The following SUSD4 variants were observed in gnomAD, a reference collection of about 807,000 sequenced individuals.
SUSD4 encodes sushi domain-containing protein 4.
In SUSD4, 41 loss-of-function variants were observed where a neutral mutation model predicts 50.5. That is an observed-to-expected ratio of 0.81 (90% CI 0.63 to 1.05). The LOEUF is 1.05. Among genes scored for constraint, SUSD4 ranks in the 50% least tolerant of loss-of-function variants. SUSD4 has a pLI of 0.00. For synonymous variants in SUSD4, 257 were observed against 257.3 expected (o/e 1.00, Z 0.01); for missense variants, 580 against 634.7 (o/e 0.91, Z 0.93).
At chr1:223,343,138 C>T (rs934732681) in intron 2 of SUSD4, among the ~76,000 whole-genome samples, 8 of 152,168 alleles carry the variant, frequency 5.3e-5, no homozygotes, top group Non-Finnish European at 1.2e-4. Flanking sequence ...TTCTATGCTA[C>T]CTCCCAACAG....
At chr1:223,272,275 T>C (rs998293877) in intron 3 of SUSD4, among the ~76,000 whole-genome samples, 1 of 152,184 alleles carries the variant, frequency 6.6e-6, no homozygotes, top group Admixed American at 6.5e-5. Context: ...GAGGCATAAA[T>C]AGGCCATTCA....
rs1571830198 is a variant in SUSD4 at position 223,227,672 on chromosome 1, G to A, written c.983C>T (p.Thr328Ile). ...GAGCAGCAGCACCAGCAGCACACTGGTTGCCGTGAACGCCACAATCTTCCA... is the reference window on the plus strand; with the variant it reads ...GAGCAGCAGCACCAGCAGCACACTGATTGCCGTGAACGCCACAATCTTCCA... ...TTWKIVAFTA[T>I]SVLLVLLLVI... Residue 328 changes from threonine to isoleucine, a missense_variant, in exon 7 of 9, where the codon ACC (threonine) becomes ATC (isoleucine). Physicochemically the swap from Thr to Ile is moderately conservative, Grantham distance 89. Coordinates refer to ENST00000366878, the MANE Select transcript of SUSD4 (RefSeq NM_017982.4). The surrounding 1 kb of genome is among the most constrained non-coding windows in gnomAD (Gnocchi z 4.5). 1.2e-6 allele frequency: 2 copies of A among 1,613,836 alleles called. No individual in the cohort carries two copies. The highest frequency in any genetic ancestry group is 3.3e-5 in the Admixed American group (2 of 59,988).
chr1:223,233,722 C>T (rs1178037972), intron 5 of SUSD4, among the ~76,000 whole-genome samples: 1 of 152,172 alleles, frequency 6.6e-6, no homozygotes, highest in East Asian at 1.9e-4. Context: ...TATCTTAGAA[C>T]TCCTTTAGGC....
chr1:223,245,844 AAAG>A (rs1379181743), intron 5 of SUSD4, among the ~76,000 whole-genome samples: 4 of 152,198 alleles, frequency 2.6e-5, no homozygotes, highest in Admixed American at 2.0e-4. Flanking sequence ...GCTAGGAGAA[AAAG>A]AAGGATAACT....
intron 5 of SUSD4, among the ~76,000 whole-genome samples, chr1:223,252,070 G>A (rs1571887417): frequency 9.0e-6 from 1 of 111,474 alleles, no homozygotes; most frequent in South Asian, 3.7e-4. Flanking sequence ...GGCCTGTTGT[G>A]GGGTGGGGGG....
At chr1:223,228,645 A>G (rs1659685842) in intron 6 of SUSD4, among the ~76,000 whole-genome samples, 1 of 152,128 alleles carries the variant, frequency 6.6e-6, no homozygotes. Context: ...CAAATGGCCT[A>G]TAGTTTTACA....
chr1:223,226,845 T>A (rs1296307358), intron 7 of SUSD4, among the ~76,000 whole-genome samples: 1 of 152,218 alleles, frequency 6.6e-6, no homozygotes, highest in Non-Finnish European at 1.5e-5. Context: ...TCACCTCTTC[T>A]TCTCAATGTT....
At chr1:223,297,494 C>G (rs1201247003) in intron 2 of SUSD4, among the ~76,000 whole-genome samples, 1 of 152,074 alleles carries the variant, frequency 6.6e-6, no homozygotes, top group Non-Finnish European at 1.5e-5. Context: ...GGAAGGTGAC[C>G]CAGGCCCTGA....
chr1:223,294,668 C>T (rs1012665056), intron 2 of SUSD4, among the ~76,000 whole-genome samples: 4 of 152,200 alleles, frequency 2.6e-5, no homozygotes, highest in African/African-American at 9.7e-5. Context: ...GGCACAGCAT[C>T]CACATCTGAC....
intron 2 of SUSD4, among the ~76,000 whole-genome samples, chr1:223,334,440 G>A (rs898943865): frequency 3.9e-5 from 6 of 152,054 alleles, no homozygotes; most frequent in African/African-American, 7.2e-5. Flanking sequence ...GGAAATCATC[G>A]AAGAATATTT....
Position 223,265,237 on chromosome 1 carries a change from C to T in SUSD4, c.536-419G>A, listed in dbSNP as rs556350749. ...AGGTGCTGTAAGAGGAAAGAGACAC[C>T]GCCAGTGGTTTCAGTGGTGGTGAGA... On this transcript the variant is annotated intron_variant, in intron 4 of 8. Coordinates refer to ENST00000366878, the MANE Select transcript of SUSD4 (RefSeq NM_017982.4). 1.4e-4 allele frequency among the ~76,000 whole-genome samples: 21 copies of T among 152,294 alleles called. No homozygotes were observed. In the South Asian group the frequency reaches 2.1e-3, roughly 15 times the overall value.
At chr1:223,222,474 A>G (rs1659193519) in intron 8 of SUSD4, among the ~76,000 whole-genome samples, 2 of 152,230 alleles carry the variant, frequency 1.3e-5, no homozygotes, top group Non-Finnish European at 2.9e-5. Flanking sequence ...CATTTTAACC[A>G]TAGGCCTTAA....
intron 2 of SUSD4, among the ~76,000 whole-genome samples, chr1:223,338,685 G>A (rs1558263587): frequency 6.6e-6 from 1 of 152,214 alleles, no homozygotes. Flanking sequence ...GCACTTATGC[G>A]AGGAAACTGC....
At chr1:223,340,554 A>C (rs549956339) in intron 2 of SUSD4, among the ~76,000 whole-genome samples, 31 of 152,338 alleles carry the variant, frequency 2.0e-4, no homozygotes, top group African/African-American at 7.0e-4. Flanking sequence ...AGCTGTCAAC[A>C]CGCAGTCCTT....
chr1:223,359,885 G>A (rs949528956), intron 2 of SUSD4, among the ~76,000 whole-genome samples: 30 of 152,282 alleles, frequency 2.0e-4, no homozygotes, highest in African/African-American at 7.2e-4. Flanking sequence ...ATGAGTAAGA[G>A]AGAGTTCTAG....
intron 5 of SUSD4, among the ~76,000 whole-genome samples, chr1:223,262,765 T>C (rs927219505): frequency 6.6e-6 from 1 of 152,114 alleles, no homozygotes. Flanking sequence ...TAAAGGGATG[T>C]CTATTGAAAA....
chr1:223,234,573 G>A (rs1304599834), intron 5 of SUSD4, among the ~76,000 whole-genome samples: 4 of 152,190 alleles, frequency 2.6e-5, no homozygotes, highest in Non-Finnish European at 5.9e-5. Context: ...TAAACCAGAG[G>A]TGGTTCCCTG....
At chr1:223,330,182 G>A (rs766773528) in intron 2 of SUSD4, among the ~76,000 whole-genome samples, 10 of 152,130 alleles carry the variant, frequency 6.6e-5, no homozygotes, top group South Asian at 2.1e-4. Context: ...TCCTAAGCAC[G>A]TTCTCAGCTG....
chr1:223,235,891 T>C (rs1558169167), intron 5 of SUSD4, among the ~76,000 whole-genome samples: 1 of 152,152 alleles, frequency 6.6e-6, no homozygotes, highest in African/African-American at 2.4e-5. Context: ...AGGAGAAGGA[T>C]TGCTGGATCA....
Sources: gnomAD v4.1 joint callset for allele counts (sites outside exome capture counted in the v4.1 genomes callset) on GRCh38, gnomAD v4.1.1 for gene constraint, Gnocchi (gnomAD v3.1) non-coding constraint, MANE v1.5 for transcripts, NCBI Gene and HGNC (gene_info 2026-07-23, HGNC 2026-07-21) for gene names.